The following DGKG variants were observed in gnomAD, a reference collection of about 807,000 sequenced individuals.
DGKG encodes the protein diacylglycerol kinase gamma.
In DGKG, 78 loss-of-function variants were observed where a neutral mutation model predicts 105.3. The ratio of observed to expected loss-of-function variants is 0.74; its 90% CI spans 0.62 to 0.89. The LOEUF is 0.89. Ranked by LOEUF, DGKG falls within the 40% of genes least tolerant of loss-of-function variation. DGKG has a pLI of 0.00. For missense variants in DGKG, 958 were observed against 1,020.1 expected, an observed-to-expected ratio of 0.94 and a Z score of 0.83; for synonymous variants, 346 against 367.1, an observed-to-expected ratio of 0.94 and a Z score of 0.66.
chr3:186,321,187 G>C (rs1560153626), intron 1 of DGKG, among the ~76,000 whole-genome samples: 1 of 152,310 alleles, frequency 6.6e-6, no homozygotes, highest in East Asian at 1.9e-4. Flanking sequence ...CCATAAAAAG[G>C]GAGTTAGAGG....
intron 2 of DGKG, chr3:186,313,617 C>T (rs187393536): frequency 1.5e-6 from 1 of 682,556 alleles, no homozygotes; most frequent in East Asian, 1.3e-4. Context: ...GTTAGAAAAG[C>T]AGATTCTCAG....
At chr3:186,279,062 T>C (rs1025622920) in intron 9 of DGKG, 5 of 152,256 alleles carry the variant, frequency 3.3e-5, no homozygotes, top group African/African-American at 1.2e-4. Context: ...TCTGATCAAA[T>C]GGGAGATTTG....
Position 186,231,808 on chromosome 3 carries a change from C to A in DGKG, c.1826+10696G>T, listed in dbSNP as rs1290700794. 6.6e-6 allele frequency among the ~76,000 whole-genome samples: 1 copy of A among 152,114 alleles called. No individual in the cohort carries two copies. Among genetic ancestry groups the A allele is most frequent in the African/African-American group, 2.4e-5 (1 of 41,422 alleles). ...TGGTGGCGCGCACCTGTAATCCCAG[C>A]TAATCAGGAGGCTGAGGCAGGAGAA... On this transcript the variant is annotated intron_variant, in intron 20 of 24. Coordinates refer to ENST00000265022, the MANE Select transcript of DGKG (RefSeq NM_001346.3). This position sits in a 1 kb window ranked among gnomAD's most constrained non-coding sequence, Gnocchi z 4.5.
intron 16 of DGKG, 150 bp downstream of exon 16, chr3:186,260,289 C>T (rs1721701173): frequency 3.1e-6 from 2 of 648,256 alleles, no homozygotes; most frequent in Non-Finnish European, 5.5e-6. Context: ...GAGTCAGAGT[C>T]AGACGTGAGA....
At chr3:186,209,742 C>G (rs1043153757) in intron 21 of DGKG, among the ~76,000 whole-genome samples, 7 of 152,034 alleles carry the variant, frequency 4.6e-5, no homozygotes, top group Admixed American at 1.3e-4. Flanking sequence ...CACCTGTTAC[C>G]CCCATGCCTC....
chr3:186,192,704 A>AT (rs1717965469), intron 21 of DGKG, among the ~76,000 whole-genome samples: 1 of 152,152 alleles, frequency 6.6e-6, no homozygotes, highest in African/African-American at 2.4e-5. Flanking sequence ...GCAAATCGGG[A>AT]TTTTTGCTGA....
At position 186,210,777 on chromosome 3, in the gene DGKG, C is replaced by T. The variant is rs1347187649; in HGVS notation, c.1917+1018G>A. On this transcript the variant is annotated intron_variant, in intron 21 of 24. Coordinates refer to ENST00000265022, the MANE Select transcript of DGKG (RefSeq NM_001346.3). This position sits in a 1 kb window ranked among gnomAD's most constrained non-coding sequence, Gnocchi z 5.2. ...GTGGGCCAAGAGGAGCCCACCCTGG[C>T]TGAACTCTCTGGCTGCCTCTTCCAC... is the stretch of plus-strand genomic sequence containing the variant. 1.8e-5 allele frequency: 6 copies of T among 342,160 alleles called. No homozygotes were observed. Among genetic ancestry groups the T allele is most frequent in the Admixed American group, 4.0e-5 (1 of 25,112 alleles). The allele number at this position is 342,160 out of a possible 1,614,324, so 21.2% of individuals were successfully genotyped here.
chr3:186,149,928 G>T lies in DGKG; in HGVS notation c.*162C>A. The T allele has an allele frequency of 7.0e-7, 1 of 1,424,648 alleles. No homozygotes were observed. The highest frequency in any genetic ancestry group is 3.0e-5 in the Admixed American group (1 of 33,124). The allele number at this position is 1,424,648 out of a possible 1,614,324, so 88.3% of individuals were successfully genotyped here. ...CTGTTGAAACAGAATGTATGGCAAG[G>T]TGACGTTTTCTTCCCGAAGGGTGGC... On this transcript the variant is annotated 3_prime_UTR_variant, in exon 25 of 25. Coordinates refer to ENST00000265022, the MANE Select transcript of DGKG (RefSeq NM_001346.3).
At chr3:186,298,268 C>A in intron 3 of DGKG, 39 bp from the exon 4 acceptor site, 1 of 1,527,202 alleles carries the variant, frequency 6.5e-7, no homozygotes, top group Non-Finnish European at 8.8e-7. Context: ...TGGAGAGAAG[C>A]AAAGGGACAG....
intron 21 of DGKG, among the ~76,000 whole-genome samples, chr3:186,198,834 GT>G (rs542303656): frequency 7.9e-4 from 121 of 152,318 alleles, no homozygotes; most frequent in African/African-American, 2.8e-3. Flanking sequence ...AACAATATCT[GT>G]TTTCCGCAGA....
At chr3:186,307,165 AT>A (rs1724287692) in intron 2 of DGKG, among the ~76,000 whole-genome samples, 188 bp from the exon 3 acceptor site, 1 of 152,120 alleles carries the variant, frequency 6.6e-6, no homozygotes, top group African/African-American at 2.4e-5. Flanking sequence ...TCCCCCCTGC[AT>A]CTAAATTATC....
Position 186,160,933 on chromosome 3 carries a change from G to A in DGKG, c.2277+670C>T, listed in dbSNP as rs141679119. Reference sequence around the variant, plus strand: ...ATAGTCTATTTTTGTTAGTTCATTTGTTCAGTCTTTTATTCATCATTTGAC... The same window carrying A: ...ATAGTCTATTTTTGTTAGTTCATTTATTCAGTCTTTTATTCATCATTTGAC... On this transcript the variant is annotated intron_variant, in intron 24 of 24. Coordinates refer to ENST00000265022, the MANE Select transcript of DGKG (RefSeq NM_001346.3). 641 of 985,420 alleles carry A rather than the reference G, an allele frequency of 6.5e-4. 4 individuals are homozygous for A. The African/African-American group carries it at 0.011, about 16-fold the overall frequency. The allele number at this position is 985,420 out of a possible 1,614,324, so 61.0% of individuals were successfully genotyped here.
At chr3:186,301,588 C>T (rs1180644270) in intron 3 of DGKG, among the ~76,000 whole-genome samples, 5 of 152,226 alleles carry the variant, frequency 3.3e-5, no homozygotes, top group African/African-American at 1.2e-4. Context: ...GATGGCACCA[C>T]TGCACCCCAG....
At chr3:186,251,707 C>T (rs1721236358) in intron 19 of DGKG, 52 bp downstream of exon 19, 1 of 1,607,290 alleles carries the variant, frequency 6.2e-7, no homozygotes, top group Non-Finnish European at 8.5e-7. Context: ...AGGCTGGAAC[C>T]CTTCCTGGGC....
At chr3:186,260,879 T>A (rs1265573128) in intron 15 of DGKG, among the ~76,000 whole-genome samples, 2 of 152,244 alleles carry the variant, frequency 1.3e-5, no homozygotes, top group Non-Finnish European at 2.9e-5. Context: ...GGCAGTGTGA[T>A]TCTGCCCTCT....
chr3:186,180,296 C>T (rs1011439795), intron 22 of DGKG, among the ~76,000 whole-genome samples: 5 of 152,072 alleles, frequency 3.3e-5, no homozygotes, highest in Non-Finnish European at 5.9e-5. Context: ...TTGATTTCAA[C>T]GTGGGCTGCT....
chr3:186,283,841 T>C (rs142716972), intron 7 of DGKG, among the ~76,000 whole-genome samples: 4 of 152,298 alleles, frequency 2.6e-5, no homozygotes, highest in African/African-American at 9.6e-5. Context: ...TTAGAGGGAA[T>C]TGGGATGATT....
Position 186,164,896 on chromosome 3 carries a change from AC to A in DGKG, c.2216+1del. On this transcript the variant is annotated splice_donor_variant, in intron 23 of 24. Transcript: ENST00000265022. LOFTEE classifies it high-confidence loss of function. ...AGGCTGTTGGGTGACAAAGAGGCATACCTGATGGTGACAGAGGCGCACTGGG... is the reference window on the plus strand; with the variant it reads ...AGGCTGTTGGGTGACAAAGAGGCATACTGATGGTGACAGAGGCGCACTGGG... 1 of 1,611,250 alleles carries A rather than the reference AC, an allele frequency of 6.2e-7. No homozygotes were observed.
chr3:186,326,785 G>C (rs575804790), intron 1 of DGKG, among the ~76,000 whole-genome samples: 1 of 152,248 alleles, frequency 6.6e-6, no homozygotes, highest in Non-Finnish European at 1.5e-5. Flanking sequence ...ATCAGTTTCT[G>C]TTTGTATTTC....
Sources: allele counts gnomAD v4.1 joint callset (sites outside exome capture counted in the v4.1 genomes callset), GRCh38; gene constraint gnomAD v4.1.1; non-coding constraint Gnocchi (gnomAD v3.1); transcripts MANE v1.5; gene names NCBI Gene and HGNC (gene_info 2026-07-23, HGNC 2026-07-21).